Variants in SEMA5A observed in about 807,000 individuals in gnomAD.
SEMA5A encodes semaphorin-5A.
In SEMA5A, 55 loss-of-function variants were observed where a neutral mutation model predicts 135.5. The observed-to-expected ratio is 0.41, with a 90% CI of 0.33 to 0.51. The LOEUF (loss-of-function observed/expected upper bound fraction) is 0.51, where lower values mean the gene tolerates loss of function less well. SEMA5A is among the 20% of genes least tolerant of loss of function. SEMA5A has a pLI of 0.37. For missense variants in SEMA5A, 1,290 were observed against 1,419.9 expected, an observed-to-expected ratio of 0.91 and a Z score of 1.47; for synonymous variants, 580 against 546.5, an observed-to-expected ratio of 1.06 and a Z score of -0.85.
intron 1 of SEMA5A, among the ~76,000 whole-genome samples, chr5:9,486,814 C>T (rs576427883): frequency 6.6e-6 from 1 of 152,162 alleles, no homozygotes; most frequent in South Asian, 2.1e-4. Context: ...AGGTAGAAAA[C>T]TTTACCTATG....
intron 8 of SEMA5A, among the ~76,000 whole-genome samples, chr5:9,209,296 T>G (rs570314327): frequency 3.9e-5 from 6 of 152,330 alleles, no homozygotes; most frequent in Non-Finnish European, 8.8e-5. Flanking sequence ...CTTATAAAAT[T>G]CTGCCAAATC....
chr5:9,099,329 A>T (rs965769580), intron 16 of SEMA5A, among the ~76,000 whole-genome samples: 1 of 152,194 alleles, frequency 6.6e-6, no homozygotes, highest in Non-Finnish European at 1.5e-5. Context: ...TCACTTTGAC[A>T]ATCTTTCATA....
chr5:9,051,571 C>T (rs1736577933), intron 20 of SEMA5A, among the ~76,000 whole-genome samples: 1 of 152,126 alleles, frequency 6.6e-6, no homozygotes, highest in African/African-American at 2.4e-5. Flanking sequence ...AACCAAATAA[C>T]CAAAACATAT....
intron 1 of SEMA5A, among the ~76,000 whole-genome samples, chr5:9,458,129 G>A (rs1231070038): frequency 1.3e-5 from 2 of 151,966 alleles, no homozygotes; most frequent in Non-Finnish European, 2.9e-5. Context: ...GGATGGTCTC[G>A]ATCTCCTGAC....
At chr5:9,317,623 A>T (rs6882802) in intron 5 of SEMA5A, among the ~76,000 whole-genome samples, 7 of 152,190 alleles carry the variant, frequency 4.6e-5, no homozygotes, top group African/African-American at 1.4e-4. Context: ...ATCACCTCTT[A>T]GAGCTCTAGC....
chr5:9,231,307 T>TA (rs900333380), intron 6 of SEMA5A, among the ~76,000 whole-genome samples: 1 of 151,530 alleles, frequency 6.6e-6, no homozygotes, highest in Non-Finnish European at 1.5e-5. Context: ...CTACTAAAAA[T>TA]ACAAAAGTTA....
At chr5:9,464,887 C>T (rs268506) in intron 1 of SEMA5A, among the ~76,000 whole-genome samples, 1 of 152,212 alleles carries the variant, frequency 6.6e-6, no homozygotes, top group Non-Finnish European at 1.5e-5. Flanking sequence ...CGGTCTGCAG[C>T]CACCATGAAG....
chr5:9,053,094 A>G (rs1485130692), intron 19 of SEMA5A, among the ~76,000 whole-genome samples: 1 of 152,238 alleles, frequency 6.6e-6, no homozygotes, highest in Non-Finnish European at 1.5e-5. Flanking sequence ...AAGCTAAAAA[A>G]AATTGTGTGT....
At chr5:9,192,232 A>C (rs1745148973) in intron 10 of SEMA5A, among the ~76,000 whole-genome samples, 1 of 152,260 alleles carries the variant, frequency 6.6e-6, no homozygotes, top group Non-Finnish European at 1.5e-5. Context: ...CTGTCCTGCC[A>C]CATGGTCTGA....
intron 15 of SEMA5A, 85 bp from the exon 16 acceptor site, chr5:9,108,372 A>T (rs1288200534): frequency 1.3e-6 from 2 of 1,497,778 alleles, no homozygotes; most frequent in East Asian, 4.6e-5. Context: ...CCTGCACCAG[A>T]TGTTGAACAC....
chr5:9,532,235 C>CA (rs1279599603), intron 1 of SEMA5A, among the ~76,000 whole-genome samples: 1 of 150,678 alleles, frequency 6.6e-6, no homozygotes, highest in Non-Finnish European at 1.5e-5. Flanking sequence ...TACAGGTGAA[C>CA]AAAAAACCTT....
chr5:9,300,412 T>C (rs371960474), intron 5 of SEMA5A, among the ~76,000 whole-genome samples: 3 of 152,230 alleles, frequency 2.0e-5, no homozygotes, highest in Admixed American at 6.5e-5. Context: ...TACATTTCCA[T>C]AGTGCTGAGA....
At chr5:9,064,506 A>G (rs1737355459) in intron 17 of SEMA5A, among the ~76,000 whole-genome samples, 2 of 151,346 alleles carry the variant, frequency 1.3e-5, no homozygotes, top group South Asian at 2.1e-4. Context: ...ACATGGATGA[A>G]TCTGGAAACT....
At chr5:9,053,260 C>T (rs886270938) in intron 19 of SEMA5A, among the ~76,000 whole-genome samples, 2 of 152,220 alleles carry the variant, frequency 1.3e-5, no homozygotes, top group Non-Finnish European at 2.9e-5. Flanking sequence ...GGAGCTCCCA[C>T]ACCCACGGGC....
intron 8 of SEMA5A, among the ~76,000 whole-genome samples, chr5:9,209,104 C>G (rs1434988931): frequency 6.6e-6 from 1 of 152,190 alleles, no homozygotes; most frequent in East Asian, 1.9e-4. Context: ...CTGGCTTCCC[C>G]TAAATGAGAA....
chr5:9,154,821 T>G, intron 11 of SEMA5A, 126 bp from the exon 12 acceptor site: 1 of 787,302 alleles, frequency 1.3e-6, no homozygotes, highest in Non-Finnish European at 2.1e-6. Flanking sequence ...TGAGCATCCT[T>G]CAAAAACAGT....
chr5:9,202,337 G>C, intron 8 of SEMA5A, 97 bp from the exon 9 acceptor site: 1 of 1,309,236 alleles, frequency 7.6e-7, no homozygotes, highest in South Asian at 1.4e-5. Flanking sequence ...ACGTGGTTTT[G>C]TTTAGATAAC....
intron 16 of SEMA5A, among the ~76,000 whole-genome samples, chr5:9,091,573 T>C (rs1314883490): frequency 6.6e-6 from 1 of 152,162 alleles, no homozygotes; most frequent in Non-Finnish European, 1.5e-5. Context: ...TAAATCACAA[T>C]GGGTCGGAAT....
intron 1 of SEMA5A, among the ~76,000 whole-genome samples, chr5:9,475,078 G>T (rs1401269927): frequency 1.3e-5 from 2 of 152,202 alleles, no homozygotes; most frequent in African/African-American, 2.4e-5. Context: ...ACTAGCTGGG[G>T]TTATAGACAT....
Sources: gnomAD v4.1 joint callset for allele counts (sites outside exome capture counted in the v4.1 genomes callset) on GRCh38, gnomAD v4.1.1 for gene constraint, MANE v1.5 for transcripts, NCBI Gene and HGNC (gene_info 2026-07-23, HGNC 2026-07-21) for gene names.